AASDH: variants seen among roughly 807,000 people sequenced by gnomAD.
AASDH encodes beta-alanine-activating enzyme.
In AASDH, 81 loss-of-function variants were observed where a neutral mutation model predicts 102.3. That is an observed-to-expected ratio of 0.79 (90% CI 0.66 to 0.95). AASDH has a LOEUF of 0.95. Ranked by LOEUF, AASDH falls within the 40% of genes least tolerant of loss-of-function variation. The pLI, the probability that AASDH is intolerant of heterozygous loss-of-function variation, is 0.00. For synonymous variants in AASDH, 398 were observed against 454.0 expected (o/e 0.88, Z 1.57); for missense variants, 1,203 against 1,266.2 (o/e 0.95, Z 0.76).
In AASDH at chr4:56,382,321, CACA is replaced by C. The variant is rs1026759224; in HGVS notation, c.351+153_351+155del. 1.8e-5 allele frequency: 13 copies of C among 721,736 alleles called. No homozygotes were observed. The African/African-American group carries it at 2.4e-4, about 13-fold the overall frequency. The allele number at this position is 721,736 out of a possible 1,614,324, so 44.7% of individuals were successfully genotyped here. On this transcript the variant is annotated intron_variant, in intron 3 of 14. Coordinates refer to ENST00000205214, the MANE Select transcript of AASDH (RefSeq NM_181806.4). ...ATCCTATAATATACGGAACACTCCT[CACA>C]ACAATTACTCAACCCTAAAAATGTC... is the stretch of plus-strand genomic sequence containing the variant.
chr4:56,362,454 G>A (rs1475579247), intron 5 of AASDH, among the ~76,000 whole-genome samples: 5 of 152,056 alleles, frequency 3.3e-5, no homozygotes, highest in Middle Eastern at 3.4e-3. Flanking sequence ...TAGTAGAGAC[G>A]GGGTTTTGCC....
rs761476480 is a variant in AASDH, at chr4:56,350,029, C to T, written c.1722G>A (p.Leu574=). The part of the protein sequence containing the change: ...KSTLNLPEDL[L]RVPDESLFLN... ...AGAAGAGTGACTCATCAGGAACCCT[C>T]AAAAGATCTTCTGGGAGATTCAGAG... The change falls in exon 11 of 15, where the codon TTG becomes TTA. Residue 574 remains leucine, a synonymous_variant. Coordinates refer to ENST00000205214, the MANE Select transcript of AASDH (RefSeq NM_181806.4). 5.0e-6 allele frequency: 8 copies of T among 1,599,244 alleles called. No individual in the cohort carries two copies. In the African/African-American group the frequency reaches 9.4e-5, roughly 19 times the overall value.
chr4:56,356,615 C>A (rs6554349), intron 5 of AASDH: 463,677 of 710,426 alleles, frequency 0.65, 152,650 homozygotes, highest in Admixed American at 0.75. Context: ...GCACACGTGG[C>A]TCCCATCGAG....
intron 11 of AASDH, among the ~76,000 whole-genome samples, chr4:56,346,224 G>T (rs1748309849): frequency 6.6e-6 from 1 of 152,202 alleles, no homozygotes; most frequent in Admixed American, 6.5e-5. Context: ...CCACTCTCTA[G>T]ACAGCTCTGC....
intron 2 of AASDH, among the ~76,000 whole-genome samples, chr4:56,383,711 C>A (rs902405146): frequency 6.6e-6 from 1 of 151,988 alleles, no homozygotes; most frequent in Non-Finnish European, 1.5e-5. Context: ...ATTTCAGTTG[C>A]GGACAAAAAA....
chr4:56,379,684 G>A (rs1490311112), intron 3 of AASDH, among the ~76,000 whole-genome samples: 2 of 152,154 alleles, frequency 1.3e-5, no homozygotes, highest in African/African-American at 2.4e-5. Context: ...ATGTTAATGG[G>A]AACAGAGAAT....
intron 4 of AASDH, among the ~76,000 whole-genome samples, chr4:56,377,266 T>G (rs1480359556): frequency 2.0e-5 from 3 of 152,202 alleles, no homozygotes; most frequent in Non-Finnish European, 4.4e-5. Flanking sequence ...TTTCTAGGAC[T>G]ACACCCCTAA....
intron 4 of AASDH, among the ~76,000 whole-genome samples, chr4:56,374,011 C>G (rs7665534): frequency 0.012 from 1,761 of 152,282 alleles, 33 homozygotes; most frequent in African/African-American, 0.038. Flanking sequence ...ATTTTCCCAA[C>G]CACCATATGA....
chr4:56,338,953 A>T (rs1231981560), intron 14 of AASDH, among the ~76,000 whole-genome samples, 162 bp from the exon 15 acceptor site: 1 of 152,182 alleles, frequency 6.6e-6, no homozygotes, highest in Non-Finnish European at 1.5e-5. Context: ...GCACTATCAT[A>T]CTAGACCTCT....
In AASDH at chr4:56,386,257, C is replaced by A. The variant is rs1753539579; in HGVS notation, c.-43+1105G>T. On this transcript the variant is annotated intron_variant, in intron 1 of 14. Transcript: ENST00000205214. ...TAAATATAAGGGAGGCTTTCTGCAG[C>A]AGGCGCTTAAATTATGAGGAATGAG... is the stretch of plus-strand genomic sequence containing the variant. Among the ~76,000 whole-genome samples the A allele has an allele frequency of 2.6e-5, 4 of 152,188 alleles. No homozygotes were observed. In the South Asian group the frequency reaches 8.3e-4, roughly 31 times the overall value.
rs1578042141 is a variant in AASDH, at chr4:56,371,334, A to G, written c.861+117T>C. ...ACATCCTGAGGAGACGGCCCTTGATAATCTAACCAGATTATATTAATCCAT... is the reference window on the plus strand; with the variant it reads ...ACATCCTGAGGAGACGGCCCTTGATGATCTAACCAGATTATATTAATCCAT... On this transcript the variant is annotated intron_variant, in intron 5 of 14. Transcript: ENST00000205214. 6.4e-6 allele frequency: 7 copies of G among 1,087,258 alleles called. No homozygotes were observed. In the South Asian group the frequency reaches 1.2e-4, roughly 19 times the overall value. 67.4% of individuals were successfully genotyped at this position (1,087,258 alleles called of 1,614,324 possible).
At chr4:56,376,134 C>A (rs1392421781) in intron 4 of AASDH, among the ~76,000 whole-genome samples, 1 of 151,064 alleles carries the variant, frequency 6.6e-6, no homozygotes, top group African/African-American at 2.4e-5. Flanking sequence ...ATCAATCCTT[C>A]CGCTTCAACC....
At chr4:56,342,110 C>CAAAAAAA (rs113304959) in intron 14 of AASDH, among the ~76,000 whole-genome samples, 3 of 97,486 alleles carry the variant, frequency 3.1e-5, no homozygotes, top group African/African-American at 4.3e-5. Context: ...GATTCTGTCT[C>CAAAAAAA]AAAAAAAAAA....
At chr4:56,386,069 T>C (rs573912259) in intron 1 of AASDH, among the ~76,000 whole-genome samples, 1 of 152,220 alleles carries the variant, frequency 6.6e-6, no homozygotes, top group South Asian at 2.1e-4. Flanking sequence ...CCAAGACCCA[T>C]AAGTTTGAAA....
chr4:56,369,566 C>A (rs1055356373), intron 5 of AASDH, among the ~76,000 whole-genome samples: 1 of 152,082 alleles, frequency 6.6e-6, no homozygotes, highest in Non-Finnish European at 1.5e-5. Flanking sequence ...GTTTTTATAG[C>A]AGAAGTTTAA....
chr4:56,345,420 T>C (rs946950378), intron 11 of AASDH, 130 bp from the exon 12 acceptor site: 25 of 830,688 alleles, frequency 3.0e-5, no homozygotes, highest in Non-Finnish European at 3.9e-5. Flanking sequence ...TCATCTGGCT[T>C]ACATTTTAGC....
chr4:56,375,426 A>T (rs1390246621), intron 4 of AASDH, among the ~76,000 whole-genome samples: 1 of 152,222 alleles, frequency 6.6e-6, no homozygotes, highest in African/African-American at 2.4e-5. Context: ...TTAACATTTC[A>T]TCTCTTTAGA....
chr4:56,361,352 T>A (rs1226484368), intron 5 of AASDH, among the ~76,000 whole-genome samples: 1 of 152,020 alleles, frequency 6.6e-6, no homozygotes, highest in Non-Finnish European at 1.5e-5. Flanking sequence ...GAGGTTGCGG[T>A]GAGCTGAGAT....
chr4:56,381,777 ATAAT>A (rs1752996234), intron 3 of AASDH: 4 of 152,122 alleles, frequency 2.6e-5, no homozygotes, highest in African/African-American at 9.7e-5. Flanking sequence ...ATATATTTTT[ATAAT>A]GTTCTTCCCC....
Sources: allele counts gnomAD v4.1 joint callset (sites outside exome capture counted in the v4.1 genomes callset), GRCh38; gene constraint gnomAD v4.1.1; transcripts MANE v1.5; gene names NCBI Gene and HGNC (gene_info 2026-07-23, HGNC 2026-07-21).